Variants in DNAH2 observed in about 807,000 individuals in gnomAD.
The protein encoded by DNAH2 is dynein axonemal heavy chain 2.
DNAH2 carries 323 observed loss-of-function variants against 523.5 expected under a neutral mutation model. That is an observed-to-expected ratio of 0.62 (90% confidence interval 0.56 to 0.68). DNAH2 has a LOEUF of 0.68. DNAH2 is among the 30% of genes least tolerant of loss of function. DNAH2 has a pLI of 0.00. For missense variants in DNAH2, 4,907 were observed against 5,701.5 expected, an observed-to-expected ratio of 0.86 and a Z score of 4.49; for synonymous variants, 2,093 against 2,177.4, an observed-to-expected ratio of 0.96 and a Z score of 1.08.
chr17:7,804,824 C>T (rs568853732), intron 59 of DNAH2, 134 bp from the exon 60 acceptor site: 13 of 737,208 alleles, frequency 1.8e-5, no homozygotes, highest in East Asian at 7.9e-5. Flanking sequence ...CCAGCCTGGG[C>T]GAAAGAGCTA....
chr17:7,797,271 A>T lies in DNAH2; in HGVS notation c.7949+10A>T, dbSNP rs144439919. The T allele has an allele frequency of 6.2e-7, 1 of 1,613,964 alleles. No homozygotes were observed. Among genetic ancestry groups the T allele is most frequent in the Non-Finnish European group, 8.5e-7 (1 of 1,179,968 alleles). ...TCCATGAATGTTTCAGGTGACATGC[A>T]TGTGCCCTGGCCAAACGAAGGCTTC... On this transcript the variant is annotated intron_variant, in intron 51 of 85. Coordinates refer to ENST00000572933, the MANE Select transcript of DNAH2 (RefSeq NM_020877.5).
intron 2 of DNAH2, among the ~76,000 whole-genome samples, chr17:7,720,357 C>T (rs978715697): frequency 2.0e-5 from 3 of 152,302 alleles, no homozygotes; most frequent in Admixed American, 2.0e-4. Flanking sequence ...ATGCTTTCTA[C>T]CATCTGTTGA....
Position 7,719,839 on chromosome 17 carries a change from G to T in DNAH2, c.105G>T (p.Gln35His). The T allele has an allele frequency of 6.2e-7, 1 of 1,609,008 alleles. No homozygotes were observed. Among genetic ancestry groups the T allele is most frequent in the South Asian group, 1.1e-5 (1 of 90,416 alleles). Residue 35 changes from glutamine to histidine, a missense_variant, in exon 2 of 86, where the codon CAG becomes CAT. This residue lies in a region of DNAH2 where 2,806 missense variants were observed against 3,190.8 expected (regional missense o/e 0.88). Coordinates refer to ENST00000572933, the MANE Select transcript of DNAH2 (RefSeq NM_020877.5). ...ATRAAVATQE[Q>H]GNAPAVSEPE... ...GGGCTGCTGTGGCCACACAGGAGCA[G>T]GGGAATGCCCCGGCTGTCAGTGAGC...
At chr17:7,816,034 A>G (rs1303614945) in intron 63 of DNAH2, among the ~76,000 whole-genome samples, 2 of 152,196 alleles carry the variant, frequency 1.3e-5, no homozygotes, top group Non-Finnish European at 2.9e-5. Context: ...TCCTGGCCTC[A>G]AGTGATCCTT....
chr17:7,795,696 C>CATAT (rs548098110), intron 49 of DNAH2, among the ~76,000 whole-genome samples: 14 of 145,846 alleles, frequency 9.6e-5, no homozygotes, highest in African/African-American at 3.0e-4. Flanking sequence ...ATTTTATATA[C>CATAT]ATATATATAT....
intron 36 of DNAH2, 84 bp downstream of exon 36, chr17:7,779,507 C>T: frequency 7.1e-7 from 1 of 1,399,870 alleles, no homozygotes; most frequent in Middle Eastern, 2.3e-4. Flanking sequence ...TCCTCTTCCC[C>T]CTTCCATGCG....
intron 18 of DNAH2, among the ~76,000 whole-genome samples, chr17:7,763,352 G>T (rs1015388772): frequency 6.6e-5 from 10 of 152,112 alleles, no homozygotes; most frequent in Admixed American, 3.9e-4. Flanking sequence ...TAGAGATGGG[G>T]TTTCACCGTG....
At chr17:7,727,520 G>A (rs2074855816) in intron 4 of DNAH2, among the ~76,000 whole-genome samples, 1 of 152,168 alleles carries the variant, frequency 6.6e-6, no homozygotes. Flanking sequence ...TTGGGAGGCC[G>A]AGGCGGGTGG....
At chr17:7,824,499 A>C (rs776212936) in intron 76 of DNAH2, 38 bp from the exon 77 acceptor site, 2 of 1,490,102 alleles carry the variant, frequency 1.3e-6, no homozygotes, top group Non-Finnish European at 9.0e-7. Context: ...GGCAGGGCTT[A>C]GGAAATGATT....
At chr17:7,775,131 T>TTCTTAGA in intron 29 of DNAH2, 110 bp from the exon 30 acceptor site, 2 of 1,268,048 alleles carry the variant, frequency 1.6e-6, no homozygotes, top group South Asian at 2.6e-5. Context: ...GAATTGGTAA[T>TTCTTAGA]ATTGAGAGGA....
Position 7,832,888 on chromosome 17 carries a change from T to C in DNAH2, c.12938T>C (p.Val4313Ala). The C allele has an allele frequency of 6.2e-7, 1 of 1,614,220 alleles. No homozygotes were observed. Among genetic ancestry groups the C allele is most frequent in the Non-Finnish European group, 8.5e-7 (1 of 1,180,038 alleles). Residue 4313 changes from valine (V) to alanine (A), a missense_variant, in exon 84 of 86, where the codon GTT becomes GCT. This residue lies in a region of DNAH2 where 1,851 missense variants were observed against 2,139.4 expected (regional missense o/e 0.87). Transcript: ENST00000572933. The surrounding 1 kb of genome is among the most constrained non-coding windows in gnomAD (Gnocchi z 4.3). ...SVDSLSWEFI[V>A]STVDDSNLVY... ...GACAGCCTCTCCTGGGAGTTTATCG[T>C]TTCCACTGTGGATGACAGCAACCTA...
intron 48 of DNAH2, 85 bp from the exon 49 acceptor site, chr17:7,794,169 C>T: frequency 1.1e-6 from 1 of 945,170 alleles, no homozygotes; most frequent in South Asian, 1.8e-5. Flanking sequence ...TGTTTTCCTC[C>T]CACTCCTTTT....
Position 7,734,299 on chromosome 17 carries a change from T to G in DNAH2, c.739+6T>G. On this transcript the variant is annotated splice_donor_region_variant and intron_variant, in intron 6 of 85. Transcript: ENST00000572933. The stretch of plus-strand genomic sequence containing the variant: ...GCTGGTGCAACGGCTAGAGAGTGAG[T>G]GGCTGGCACTGCTAGCATCACCTGG... 6.2e-7 allele frequency: 1 copy of G among 1,606,028 alleles called. No individual in the cohort carries two copies. The highest frequency in any genetic ancestry group is 8.5e-7 in the Non-Finnish European group (1 of 1,176,242).
chr17:7,728,345 C>T (rs572935028), intron 4 of DNAH2, among the ~76,000 whole-genome samples: 123 of 152,206 alleles, frequency 8.1e-4, no homozygotes, highest in Non-Finnish European at 1.3e-3. Flanking sequence ...AAGGCTGTTG[C>T]TTTGCTCATA....
At chr17:7,823,370 A>AGC (rs770578578) in intron 73 of DNAH2, 72 bp from the exon 74 acceptor site, 21 of 1,445,512 alleles carry the variant, frequency 1.5e-5, no homozygotes, top group African/African-American at 2.9e-5. Flanking sequence ...AGAGAGAGAG[A>AGC]GGAGAAAAAG....
At position 7,760,766 on chromosome 17, in the gene DNAH2, C is replaced by T; in HGVS notation, c.2812C>T (p.Gln938Ter). The change falls in exon 18 of 86, where the codon CAG becomes TAG. Residue 938 changes from glutamine to a stop codon, truncating the protein, a stop_gained. Transcript: ENST00000572933. LOFTEE classifies it high-confidence loss of function. The surrounding 1 kb of genome is among the most constrained non-coding windows in gnomAD (Gnocchi z 4.0). ...GCAAGATGAGGACATCAAGAAGATC[C>T]AGACCCAAATCAGCAGCGGCATGAC... ...VEQDEDIKKI[Q>*]TQISSGMTNN... is the part of the protein sequence containing the mutation. 6.2e-7 allele frequency: 1 copy of T among 1,613,996 alleles called. No individual in the cohort carries two copies. The highest frequency in any genetic ancestry group is 2.2e-5 in the East Asian group (1 of 44,874).
chr17:7,719,904 G>C lies in DNAH2; in HGVS notation c.166+4G>C, dbSNP rs374328836. ...GAGCTCCCCAAGGAGGAGCCTGGTG[G>C]GTACTTGCTGGGGCAGAGGATGCTT... On this transcript the variant is annotated splice_donor_region_variant and intron_variant, in intron 2 of 85. Transcript: ENST00000572933. 12 of 1,518,882 alleles carry C rather than the reference G, an allele frequency of 7.9e-6. No homozygotes were observed. In the African/African-American group the frequency reaches 1.2e-4, roughly 16 times the overall value. The allele number at this position is 1,518,882 out of a possible 1,614,324, so 94.1% of individuals were successfully genotyped here. A position where few individuals can be genotyped will look rare whatever the true frequency, so the allele number is the denominator to read the frequency against.
chr17:7,831,871 A>G lies in DNAH2; in HGVS notation c.12726+96A>G. The G allele has an allele frequency of 8.8e-7, 1 of 1,130,078 alleles. No individual in the cohort carries two copies. The highest frequency in any genetic ancestry group is 2.5e-5 in the Admixed American group (1 of 39,668). 70.0% of individuals were successfully genotyped at this position (1,130,078 alleles called of 1,614,324 possible). ...CTGGTTCTAGGTGGGCATAAAGCAAACTGCAGAGAGCCGAAACTTTGAAGT... is the reference window on the plus strand; with the variant it reads ...CTGGTTCTAGGTGGGCATAAAGCAAGCTGCAGAGAGCCGAAACTTTGAAGT... On this transcript the variant is annotated intron_variant, in intron 82 of 85. Coordinates refer to ENST00000572933, the MANE Select transcript of DNAH2 (RefSeq NM_020877.5). The surrounding 1 kb of genome is among the most constrained non-coding windows in gnomAD (Gnocchi z 4.2).
At chr17:7,741,382 G>A (rs1359327886) in intron 11 of DNAH2, among the ~76,000 whole-genome samples, 1 of 130,580 alleles carries the variant, frequency 7.7e-6, no homozygotes, top group Non-Finnish European at 1.6e-5. Flanking sequence ...TTTTGAGACG[G>A]AGTCTCACAC....
Sources: allele counts gnomAD v4.1 joint callset (sites outside exome capture counted in the v4.1 genomes callset), GRCh38; gene constraint gnomAD v4.1.1; regional missense constraint gnomAD v4.1.1; non-coding constraint Gnocchi (gnomAD v3.1); transcripts MANE v1.5; gene names NCBI Gene and HGNC (gene_info 2026-07-23, HGNC 2026-07-21).